The following IL1RAPL2 variants were observed in gnomAD, a reference collection of about 807,000 sequenced individuals.
The protein encoded by IL1RAPL2 is X-linked interleukin-1 receptor accessory protein-like 2.
Under a neutral mutation model 44.1 loss-of-function variants are expected in IL1RAPL2, and 3 were observed. That is an observed-to-expected ratio of 0.07 (90% CI 0.03 to 0.18). The LOEUF (loss-of-function observed/expected upper bound fraction) is 0.18. IL1RAPL2 is among the 10% of genes least tolerant of loss of function. The pLI is 1.00. For synonymous variants in IL1RAPL2, 181 were observed against 178.8 expected (o/e 1.01, Z -0.10); for missense variants, 391 against 496.4 (o/e 0.79, Z 2.02).
chrX:104,948,987 G>T (rs2147708504), intron 2 of IL1RAPL2, among the ~76,000 whole-genome samples: 1 of 109,599 alleles, frequency 9.1e-6, no homozygotes, highest in East Asian at 2.9e-4. Context: ...AGTTTCAGAA[G>T]GAATGGTACC....
intron 2 of IL1RAPL2, among the ~76,000 whole-genome samples, chrX:104,867,879 T>A (rs73245716): frequency 0.014 from 1,619 of 111,810 alleles, 13 homozygotes; most frequent in South Asian, 0.036. Context: ...TGGGTATAGA[T>A]GTGAAATGTG....
chrX:104,734,942 C>A (rs878880177), intron 2 of IL1RAPL2, among the ~76,000 whole-genome samples: 2 of 111,630 alleles, frequency 1.8e-5, no homozygotes, highest in Admixed American at 1.9e-4. Flanking sequence ...TTGTAGAATT[C>A]TGTTTGAATG....
At chrX:104,634,972 G>T (rs1929757855) in intron 1 of IL1RAPL2, among the ~76,000 whole-genome samples, 1 of 111,518 alleles carries the variant, frequency 9.0e-6, no homozygotes, top group Non-Finnish European at 1.9e-5. Flanking sequence ...TTTTTGCAGT[G>T]GCTGGTACTG....
intron 6 of IL1RAPL2, among the ~76,000 whole-genome samples, chrX:105,545,949 A>G (rs1400613710): frequency 9.0e-6 from 1 of 111,418 alleles, no homozygotes; most frequent in African/African-American, 3.3e-5. Context: ...CCCAACCATG[A>G]CTGCAGCCTC....
chrX:104,706,402 C>T (rs1346310144), intron 2 of IL1RAPL2, among the ~76,000 whole-genome samples: 1 of 111,861 alleles, frequency 8.9e-6, no homozygotes, highest in Non-Finnish European at 1.9e-5. Context: ...GATAAAGAAA[C>T]TAAGGTTCCG....
chrX:104,906,573 T>C (rs1377711896), intron 2 of IL1RAPL2, among the ~76,000 whole-genome samples: 1 of 112,084 alleles, frequency 8.9e-6, no homozygotes, highest in African/African-American at 3.2e-5. Context: ...TCATGTGGTT[T>C]TTGTCTTTGG....
intron 2 of IL1RAPL2, among the ~76,000 whole-genome samples, chrX:104,795,963 GC>G (rs1355635669): frequency 2.7e-5 from 3 of 111,934 alleles, no homozygotes; most frequent in African/African-American, 9.7e-5. Context: ...TGAGAACCAT[GC>G]CAGGGAAGGT....
At chrX:105,385,892 G>A (rs2035473135) in intron 5 of IL1RAPL2, among the ~76,000 whole-genome samples, 1 of 111,498 alleles carries the variant, frequency 9.0e-6, no homozygotes. Flanking sequence ...AGGATAGAAC[G>A]TAGAAGGAGC....
intron 6 of IL1RAPL2, among the ~76,000 whole-genome samples, chrX:105,662,125 C>G (rs1013243369): frequency 8.9e-6 from 1 of 112,240 alleles, no homozygotes; most frequent in African/African-American, 3.2e-5. Context: ...CAGTGTTTAT[C>G]TCTCATTCCT....
At chrX:104,987,384 C>G (rs148848760) in intron 2 of IL1RAPL2, among the ~76,000 whole-genome samples, 137 of 104,535 alleles carry the variant, frequency 1.3e-3, no homozygotes, top group African/African-American at 4.7e-3. Context: ...TATACCCTGA[C>G]TTTTTTCAGA....
chrX:105,064,987 A>G (rs2032119526), intron 2 of IL1RAPL2, among the ~76,000 whole-genome samples: 1 of 112,561 alleles, frequency 8.9e-6, no homozygotes, highest in Admixed American at 9.4e-5. Flanking sequence ...TGGAGCTTCT[A>G]AAACCTACAG....
At chrX:104,810,619 T>C (rs910708158) in intron 2 of IL1RAPL2, among the ~76,000 whole-genome samples, 1 of 111,300 alleles carries the variant, frequency 9.0e-6, no homozygotes, top group African/African-American at 3.3e-5. Context: ...TGGGAGATGA[T>C]ATGCGTAACA....
chrX:104,896,898 C>T (rs1211542928), intron 2 of IL1RAPL2, among the ~76,000 whole-genome samples: 1 of 111,158 alleles, frequency 9.0e-6, no homozygotes, highest in Non-Finnish European at 1.9e-5. Flanking sequence ...TCCGGATGCC[C>T]CACCTTTAAG....
intron 2 of IL1RAPL2, among the ~76,000 whole-genome samples, chrX:104,988,361 G>A (rs772925855): frequency 8.9e-6 from 1 of 112,345 alleles, no homozygotes; most frequent in Non-Finnish European, 1.9e-5. Flanking sequence ...GGTGATTATA[G>A]TTAGGAGCTA....
intron 6 of IL1RAPL2, among the ~76,000 whole-genome samples, chrX:105,700,018 T>C (rs1196149521): frequency 8.9e-6 from 1 of 111,925 alleles, no homozygotes; most frequent in African/African-American, 3.2e-5. Flanking sequence ...TGAGTTTTGT[T>C]TTTTGTTTAC....
intron 6 of IL1RAPL2, among the ~76,000 whole-genome samples, chrX:105,663,833 G>T (rs1283811770): frequency 1.8e-5 from 2 of 111,588 alleles, no homozygotes; most frequent in Non-Finnish European, 3.8e-5. Flanking sequence ...CAAGGTAAAA[G>T]AATCCAGCTT....
At chrX:104,846,335 A>ATCCC (rs781266486) in intron 2 of IL1RAPL2, among the ~76,000 whole-genome samples, 1 of 109,828 alleles carries the variant, frequency 9.1e-6, no homozygotes, top group Admixed American at 9.8e-5. Context: ...TCCTAATGCT[A>ATCCC]TCCCTCCCCC....
chrX:105,683,846 C>T, intron 6 of IL1RAPL2, among the ~76,000 whole-genome samples: 1 of 112,258 alleles, frequency 8.9e-6, no homozygotes, highest in Non-Finnish European at 1.9e-5. Context: ...TACAGTCATA[C>T]TTTATATGAT....
intron 5 of IL1RAPL2, among the ~76,000 whole-genome samples, chrX:105,453,656 A>C: frequency 8.9e-6 from 1 of 111,955 alleles, no homozygotes; most frequent in East Asian, 2.8e-4. Flanking sequence ...ATTAATAATA[A>C]GTGCCTTTTC....
Sources: gnomAD v4.1 joint callset for allele counts (sites outside exome capture counted in the v4.1 genomes callset) on GRCh38, gnomAD v4.1.1 for gene constraint, MANE v1.5 for transcripts, NCBI Gene and HGNC (gene_info 2026-07-23, HGNC 2026-07-21) for gene names.